Variants in PRICKLE1 observed in about 807,000 individuals in gnomAD.
PRICKLE1 encodes the protein prickle-like protein 1.
In PRICKLE1, 14 loss-of-function variants were observed where a neutral mutation model predicts 70.2. The observed-to-expected ratio is 0.20, with a 90% confidence interval of 0.13 to 0.31. The LOEUF is 0.31. Among genes scored for constraint, PRICKLE1 ranks in the 10% least tolerant of loss-of-function variants. The probability of loss-of-function intolerance (pLI) is 1.00; values close to 1 mark genes in which losing one functional copy is unlikely to be tolerated. For missense variants in PRICKLE1, 821 were observed against 1,026.2 expected (o/e 0.80, Z 2.73); for synonymous variants, 357 against 379.9 (o/e 0.94, Z 0.70).
chr12:42,528,107 G>C lies in PRICKLE1; in HGVS notation c.-48-55543C>G, dbSNP rs1237288176. On this transcript the variant is annotated intron_variant, in intron 1 of 7. Coordinates refer to ENST00000345127, the MANE Select transcript of PRICKLE1 (RefSeq NM_153026.3). ...ATTTAACTTACTTATTTGAGACAGA[G>C]TATTGCTCTGTCAGCAAGGTTGGAG... Among the ~76,000 whole-genome samples, 2 of 151,892 alleles carry C rather than the reference G, an allele frequency of 1.3e-5. 1 individual carries two copies.
chr12:42,560,965 A>C (rs1214817225), intron 1 of PRICKLE1, among the ~76,000 whole-genome samples: 2 of 152,150 alleles, frequency 1.3e-5, no homozygotes, highest in African/African-American at 4.8e-5. Context: ...AAATGCTATA[A>C]ATCTCTGAGG....
chr12:42,574,858 T>C (rs183917413), intron 1 of PRICKLE1, among the ~76,000 whole-genome samples: 1 of 151,990 alleles, frequency 6.6e-6, no homozygotes, highest in Admixed American at 6.6e-5. Context: ...ATGAAGAAAA[T>C]AGTTCATCTC....
chr12:42,469,440 G>A lies in PRICKLE1; in HGVS notation c.384+10C>T. On this transcript the variant is annotated intron_variant, in intron 4 of 7. Coordinates refer to ENST00000345127, the MANE Select transcript of PRICKLE1 (RefSeq NM_153026.3). ...GCCACAAGCTACGCATCAGAGAAGG[G>A]GCTGCTCACCTGCTCACACACAGCA... 1 of 1,613,832 alleles carries A rather than the reference G, an allele frequency of 6.2e-7. No homozygotes were observed. The highest frequency in any genetic ancestry group is 8.5e-7 in the Non-Finnish European group (1 of 1,180,012).
chr12:42,474,250 C>T (rs549333591), intron 1 of PRICKLE1, among the ~76,000 whole-genome samples: 2 of 152,058 alleles, frequency 1.3e-5, no homozygotes, highest in East Asian at 3.9e-4. Context: ...CCAGCCTGGG[C>T]GACAGAGCGA....
At chr12:42,527,128 C>CT (rs386376309) in intron 1 of PRICKLE1, among the ~76,000 whole-genome samples, 13,322 of 99,944 alleles carry the variant, frequency 0.13, 970 homozygotes, top group African/African-American at 0.29. Context: ...TTTTTTTCCT[C>CT]TTTTTTTTTT....
At chr12:42,471,444 TTCTC>T (rs1428869006) in intron 2 of PRICKLE1, among the ~76,000 whole-genome samples, 2 of 152,146 alleles carry the variant, frequency 1.3e-5, no homozygotes, top group Admixed American at 6.5e-5. Context: ...TAAGAAGGGA[TTCTC>T]TCTAAGTAGT....
chr12:42,464,956 A>G lies in PRICKLE1; in HGVS notation c.1078T>C (p.Phe360Leu). 1 of 1,614,112 alleles carries G rather than the reference A, an allele frequency of 6.2e-7. No homozygotes were observed. The highest frequency in any genetic ancestry group is 8.5e-7 in the Non-Finnish European group (1 of 1,180,018). The change falls in exon 7 of 8, where the codon TTT (phenylalanine) becomes CTT (leucine). Residue 360 changes from phenylalanine (F) to leucine (L), a missense_variant. Transcript: ENST00000345127. The surrounding 1 kb of genome is among the most constrained non-coding windows in gnomAD (Gnocchi z 4.2). ...LLLSPALNYK[F>L]PGLSGNADDT... Reference sequence around the variant, plus strand: ...TCAGCATTGCCTGAGAGGCCAGGAAACTTGTAGTTCAGAGCAGGCGATAAG... The same window carrying G: ...TCAGCATTGCCTGAGAGGCCAGGAAGCTTGTAGTTCAGAGCAGGCGATAAG...
chr12:42,468,092 A>C (rs1443697416), intron 5 of PRICKLE1, among the ~76,000 whole-genome samples: 1 of 152,182 alleles, frequency 6.6e-6, no homozygotes, highest in African/African-American at 2.4e-5. Flanking sequence ...ATCTCTCTGT[A>C]ATAGCTTTGC....
chr12:42,500,341 T>C (rs1939282984), intron 1 of PRICKLE1, among the ~76,000 whole-genome samples: 1 of 152,234 alleles, frequency 6.6e-6, no homozygotes, highest in Non-Finnish European at 1.5e-5. Context: ...TAGCCTGTAT[T>C]TGAAGATCTT....
intron 5 of PRICKLE1, among the ~76,000 whole-genome samples, chr12:42,467,409 C>T (rs1262938648): frequency 6.8e-6 from 1 of 145,986 alleles, no homozygotes; most frequent in African/African-American, 2.5e-5. Context: ...GCCACCGAGC[C>T]CGGCAGGTTC....
intron 1 of PRICKLE1, among the ~76,000 whole-genome samples, chr12:42,520,980 G>A (rs906506617): frequency 3.1e-4 from 47 of 152,222 alleles, no homozygotes; most frequent in African/African-American, 1.1e-3. Context: ...AGATCAGCCT[G>A]GCCAACATGG....
At chr12:42,477,482 G>GTATA (rs139988285) in intron 1 of PRICKLE1, among the ~76,000 whole-genome samples, 21 of 116,346 alleles carry the variant, frequency 1.8e-4, no homozygotes, top group African/African-American at 5.6e-4. Context: ...GTGTGTGTGT[G>GTATA]TATATATATA....
At chr12:42,578,921 C>T (rs1566134593) in intron 1 of PRICKLE1, among the ~76,000 whole-genome samples, 2 of 152,060 alleles carry the variant, frequency 1.3e-5, no homozygotes, top group Non-Finnish European at 2.9e-5. Flanking sequence ...ACAACCACGC[C>T]AGGCTAATTT....
intron 1 of PRICKLE1, among the ~76,000 whole-genome samples, chr12:42,475,801 A>T (rs1258619777): frequency 6.6e-6 from 1 of 151,976 alleles, no homozygotes; most frequent in Non-Finnish European, 1.5e-5. Flanking sequence ...CACAAACATT[A>T]AAAAAATGTT....
intron 1 of PRICKLE1, among the ~76,000 whole-genome samples, chr12:42,519,222 G>A (rs1027384842): frequency 1.0e-5 from 1 of 99,594 alleles, no homozygotes; most frequent in Admixed American, 1.4e-4. Flanking sequence ...TTGAGATGGT[G>A]TGTTGCTCTT....
intron 1 of PRICKLE1, among the ~76,000 whole-genome samples, chr12:42,516,755 C>G (rs547833500): frequency 1.3e-5 from 2 of 152,052 alleles, no homozygotes; most frequent in East Asian, 3.9e-4. Context: ...TAGGTTGGGC[C>G]GTTTCCTTGG....
At chr12:42,504,124 G>A (rs538380376) in intron 1 of PRICKLE1, among the ~76,000 whole-genome samples, 2 of 152,254 alleles carry the variant, frequency 1.3e-5, no homozygotes, top group African/African-American at 4.8e-5. Context: ...AGAAGAGCGA[G>A]GTCTGAGGAA....
Position 42,488,847 on chromosome 12 carries a change from TA to T in PRICKLE1, c.-48-16284del, listed in dbSNP as rs1362046423. ...GGGCAGATTATAGGAAATTATCATT[TA>T]AAAATTATATTGATAAAATAAGTGA... On this transcript the variant is annotated intron_variant, in intron 1 of 7. Coordinates refer to ENST00000345127, the MANE Select transcript of PRICKLE1 (RefSeq NM_153026.3). Among the ~76,000 whole-genome samples, 3 of 152,230 alleles carry T rather than the reference TA, an allele frequency of 2.0e-5. No homozygotes were observed. The East Asian group carries it at 5.8e-4, about 29-fold the overall frequency.
intron 1 of PRICKLE1, among the ~76,000 whole-genome samples, chr12:42,578,643 A>T (rs1566134430): frequency 1.3e-5 from 2 of 151,032 alleles, no homozygotes; most frequent in South Asian, 2.1e-4. Context: ...GGGGGGAAAA[A>T]CCCACAAAAA....
Sources: allele counts gnomAD v4.1 joint callset (sites outside exome capture counted in the v4.1 genomes callset), GRCh38; gene constraint gnomAD v4.1.1; non-coding constraint Gnocchi (gnomAD v3.1); transcripts MANE v1.5; gene names NCBI Gene and HGNC (gene_info 2026-07-23, HGNC 2026-07-21).